Variants in TRHDE observed in about 807,000 individuals in gnomAD.
TRHDE encodes thyrotropin-releasing hormone-degrading ectoenzyme.
TRHDE carries 72 observed loss-of-function variants against 125.7 expected under a neutral mutation model. That is an observed-to-expected ratio of 0.57 (90% CI 0.47 to 0.70). TRHDE has a LOEUF of 0.70. Among genes scored for constraint, TRHDE ranks in the 30% least tolerant of loss-of-function variants. The pLI is 0.00. For missense variants in TRHDE, 1,110 were observed against 1,327.1 expected (o/e 0.84, Z 2.54); for synonymous variants, 509 against 509.1 (o/e 1.00, Z 0.00).
chr12:72,272,772 A>T lies in TRHDE; in HGVS notation c.129A>T (p.Ala43=). 6.5e-7 allele frequency: 1 copy of T among 1,547,414 alleles called. No homozygotes were observed. The highest frequency in any genetic ancestry group is 1.4e-5 in the African/African-American group (1 of 73,550). The part of the protein sequence containing the change: ...EGAEKSSSPF[A]AAMGEDDAAL... ...CCGAGAAGAGCAGCTCACCCTTCGC[A>T]GCCGCGATGGGGGAAGACGACGCCG... Residue 43 remains alanine, a synonymous_variant, in exon 1 of 19, where the codon GCA becomes GCT. Coordinates refer to ENST00000261180, the MANE Select transcript of TRHDE (RefSeq NM_013381.3). This position sits in a 1 kb window ranked among gnomAD's most constrained non-coding sequence, Gnocchi z 6.7.
At chr12:72,169,049 T>A (rs1018182797) in intron 2 of TRHDE, among the ~76,000 whole-genome samples, 1 of 152,194 alleles carries the variant, frequency 6.6e-6, no homozygotes. Context: ...AACCATGCCT[T>A]CCTCATCTAT....
rs769112280 is a variant in TRHDE at position 72,346,643 on chromosome 12, C to T, written c.1189-31352C>T. 4.4e-4 allele frequency among the ~76,000 whole-genome samples: 67 copies of T among 152,098 alleles called. 1 individual carries two copies. The highest frequency in any genetic ancestry group is 3.7e-3 in the Admixed American group (57 of 15,264). ...AGCTGGATTTTTTTGTTACTAATGC[C>T]GAGTGCCAACCTTAGAGCCTGGCAT... On this transcript the variant is annotated intron_variant, in intron 2 of 18. Transcript: ENST00000261180.
chr12:72,253,780 G>T (rs751478017), intron 2 of TRHDE: 2 of 151,954 alleles, frequency 1.3e-5, no homozygotes, highest in African/African-American at 4.8e-5. Context: ...TGCTTTTTCT[G>T]CATTAATTGA....
Position 72,469,801 on chromosome 12 carries a change from C to A in TRHDE, c.1359C>A (p.Asn453Lys). 1 of 1,614,056 alleles carries A rather than the reference C, an allele frequency of 6.2e-7. No individual in the cohort carries two copies. The highest frequency in any genetic ancestry group is 8.5e-7 in the Non-Finnish European group (1 of 1,179,960). The part of the protein sequence containing the change: ...VPKHPYAAME[N>K]WGLSIFVEQR... ...AGCATCCGTATGCTGCTATGGAGAA[C>A]TGGGGACTAAGTATTTTTGTGGAAC... Residue 453 changes from asparagine (N) to lysine (K), a missense_variant, in exon 4 of 19, where the codon AAC (asparagine) becomes AAA (lysine). Asn to Lys is a moderately conservative substitution (Grantham distance 94). This residue lies in a region of TRHDE where 252 missense variants were observed against 274.8 expected (regional missense o/e 0.92). Transcript: ENST00000261180.
chr12:72,517,991 T>C (rs997940649), intron 6 of TRHDE, among the ~76,000 whole-genome samples: 2 of 150,848 alleles, frequency 1.3e-5, no homozygotes, highest in Admixed American at 1.3e-4. Flanking sequence ...CTAGTTTGAT[T>C]GCACTGTGGT....
At chr12:72,186,953 T>C (rs1329076572) in intron 2 of TRHDE, among the ~76,000 whole-genome samples, 1 of 152,038 alleles carries the variant, frequency 6.6e-6, no homozygotes, top group Non-Finnish European at 1.5e-5. Flanking sequence ...TGATAGAAAC[T>C]ATCATGGTGG....
chr12:72,447,366 A>C (rs898502092), intron 3 of TRHDE, among the ~76,000 whole-genome samples: 3 of 152,182 alleles, frequency 2.0e-5, no homozygotes, highest in East Asian at 1.9e-4. Context: ...CATTTACAGC[A>C]GTGTGTAGAG....
chr12:72,399,091 T>A (rs904861709), intron 3 of TRHDE, among the ~76,000 whole-genome samples: 2 of 152,114 alleles, frequency 1.3e-5, no homozygotes, highest in African/African-American at 4.8e-5. Flanking sequence ...ATGCAAGGGA[T>A]CTTTAGGTTG....
chr12:72,419,231 A>G (rs907029622), intron 3 of TRHDE, among the ~76,000 whole-genome samples: 1 of 152,198 alleles, frequency 6.6e-6, no homozygotes, highest in Non-Finnish European at 1.5e-5. Flanking sequence ...AAACTGGTCT[A>G]TTTATCCAGG....
At chr12:72,339,259 A>G (rs1450100697) in intron 2 of TRHDE, among the ~76,000 whole-genome samples, 1 of 152,168 alleles carries the variant, frequency 6.6e-6, no homozygotes, top group Non-Finnish European at 1.5e-5. Flanking sequence ...CTTATATTTT[A>G]CTGAAAATAT....
At chr12:72,360,954 T>C (rs1314939214) in intron 2 of TRHDE, among the ~76,000 whole-genome samples, 1 of 151,638 alleles carries the variant, frequency 6.6e-6, no homozygotes, top group African/African-American at 2.4e-5. Context: ...CCTGCATACA[T>C]TAGTTATTTA....
chr12:72,530,767 T>G (rs192078748), intron 6 of TRHDE, among the ~76,000 whole-genome samples: 3 of 152,112 alleles, frequency 2.0e-5, no homozygotes, highest in African/African-American at 7.2e-5. Flanking sequence ...CTGATTATCT[T>G]ACCTAACATA....
At chr12:72,565,603 GAATTTTACTAACCTCCAC>G (rs1870403342) in intron 9 of TRHDE, among the ~76,000 whole-genome samples, 1 of 152,122 alleles carries the variant, frequency 6.6e-6, no homozygotes, top group African/African-American at 2.4e-5. Context: ...TTGCTGCAGA[GAATTTTACTAACCTCCAC>G]AGTCATACTT....
intron 10 of TRHDE, among the ~76,000 whole-genome samples, chr12:72,573,312 T>G (rs1271176373): frequency 6.6e-6 from 1 of 151,978 alleles, no homozygotes; most frequent in Non-Finnish European, 1.5e-5. Flanking sequence ...AAAATAGATA[T>G]GAAATTCTAA....
intron 3 of TRHDE, among the ~76,000 whole-genome samples, chr12:72,459,815 A>G (rs1049176668): frequency 1.8e-4 from 27 of 152,036 alleles, no homozygotes; most frequent in African/African-American, 6.0e-4. Flanking sequence ...ACAATGTCTG[A>G]CTATGTTGCC....
intron 3 of TRHDE, among the ~76,000 whole-genome samples, chr12:72,439,528 C>G (rs1874900551): frequency 6.6e-6 from 1 of 151,588 alleles, no homozygotes; most frequent in South Asian, 2.1e-4. Context: ...AAATCCATTT[C>G]TAGGTACTTA....
At chr12:72,154,309 T>C (rs1876449517) in intron 2 of TRHDE, among the ~76,000 whole-genome samples, 1 of 152,198 alleles carries the variant, frequency 6.6e-6, no homozygotes, top group East Asian at 1.9e-4. Flanking sequence ...TGAGATGGGT[T>C]TCCTGAATAC....
intron 2 of TRHDE, among the ~76,000 whole-genome samples, chr12:72,242,273 C>T (rs1878497520): frequency 6.6e-6 from 1 of 152,204 alleles, no homozygotes; most frequent in East Asian, 1.9e-4. Flanking sequence ...CTCTTCTCCA[C>T]TGTCTCCCCA....
In TRHDE at chr12:72,487,747, A is replaced by C. The variant is rs553144252; in HGVS notation, c.1585-11751A>C. Among the ~76,000 whole-genome samples the C allele has an allele frequency of 5.9e-5, 9 of 152,280 alleles. No homozygotes were observed. The South Asian group carries it at 1.9e-3, about 32-fold the overall frequency. On this transcript the variant is annotated intron_variant, in intron 5 of 18. Coordinates refer to ENST00000261180, the MANE Select transcript of TRHDE (RefSeq NM_013381.3). ...GTATAGTCAGATCCAGAATACTTCA[A>C]CATAGTGACGGTGATATATAAATCC...
Sources: allele counts gnomAD v4.1 joint callset (sites outside exome capture counted in the v4.1 genomes callset), GRCh38; gene constraint gnomAD v4.1.1; regional missense constraint gnomAD v4.1.1; non-coding constraint Gnocchi (gnomAD v3.1); transcripts MANE v1.5; gene names NCBI Gene and HGNC (gene_info 2026-07-23, HGNC 2026-07-21).